Variants in DNM3 observed in about 807,000 individuals in gnomAD.
DNM3 encodes dynamin 3.
In DNM3, 47 loss-of-function variants were observed where a neutral mutation model predicts 101.6. That is an observed-to-expected ratio of 0.46 (90% confidence interval 0.37 to 0.59). The LOEUF is 0.59. Among genes scored for constraint, DNM3 ranks in the 20% least tolerant of loss-of-function variants. DNM3 has a pLI of 0.00. For missense variants in DNM3, 849 were observed against 1,085.7 expected, an observed-to-expected ratio of 0.78 and a Z score of 3.06; for synonymous variants, 385 against 387.9, an observed-to-expected ratio of 0.99 and a Z score of 0.09.
At chr1:172,022,800 A>G (rs1055687848) in intron 4 of DNM3, among the ~76,000 whole-genome samples, 6 of 151,928 alleles carry the variant, frequency 3.9e-5, no homozygotes, top group Admixed American at 1.3e-4. Flanking sequence ...CACTGTAGAG[A>G]AGGAGGATTT....
Position 172,095,352 on chromosome 1 carries a change from G to C in DNM3, c.1545+2477G>C, listed in dbSNP as rs922467853. Among the ~76,000 whole-genome samples, 33 of 152,160 alleles carry C rather than the reference G, an allele frequency of 2.2e-4. 1 individual carries two copies. Among genetic ancestry groups the C allele is most frequent in the East Asian group, 1.5e-3 (8 of 5,186 alleles). ...CAGATCAGGTTTTGCTGCCAAATTT[G>C]CTAAGAAAAAAGCTTTCAATTTGCA... On this transcript the variant is annotated intron_variant, in intron 13 of 20. Transcript: ENST00000627582.
At chr1:172,181,684 A>C (rs1002152133) in intron 14 of DNM3, among the ~76,000 whole-genome samples, 1 of 152,006 alleles carries the variant, frequency 6.6e-6, no homozygotes, top group Non-Finnish European at 1.5e-5. Flanking sequence ...ATGCCAAAGC[A>C]TGGAGCAAAA....
intron 11 of DNM3, among the ~76,000 whole-genome samples, chr1:172,076,574 C>A (rs2052665372): frequency 2.6e-5 from 4 of 152,122 alleles, no homozygotes; most frequent in Admixed American, 2.6e-4. Context: ...TTGAGATAAT[C>A]ATGTGGTTTA....
In DNM3 at chr1:172,319,082, C is replaced by T. The variant is rs1470482879; in HGVS notation, c.1882-4247C>T. Among the ~76,000 whole-genome samples the T allele has an allele frequency of 1.3e-4, 20 of 152,036 alleles. No individual in the cohort carries two copies. The East Asian group carries it at 1.9e-3, about 15-fold the overall frequency. On this transcript the variant is annotated intron_variant, in intron 16 of 20. Transcript: ENST00000627582. ...AGAACAGAGCCCTCAGAAATAACGC[C>T]GCATATCTACAACTATCTGATCTTT... is the stretch of plus-strand genomic sequence containing the variant.
chr1:172,179,726 T>A (rs2059277942), intron 14 of DNM3, among the ~76,000 whole-genome samples: 1 of 151,934 alleles, frequency 6.6e-6, no homozygotes, highest in East Asian at 1.9e-4. Flanking sequence ...ATTCAATAAT[T>A]TTTAGATATA....
At chr1:172,271,134 C>G (rs574568182) in intron 15 of DNM3, among the ~76,000 whole-genome samples, 7 of 152,208 alleles carry the variant, frequency 4.6e-5, no homozygotes, top group South Asian at 2.1e-4. Context: ...TTTATGTGGA[C>G]TGTGTGTGGA....
At chr1:172,316,073 G>C (rs2065335800) in intron 16 of DNM3, among the ~76,000 whole-genome samples, 1 of 152,102 alleles carries the variant, frequency 6.6e-6, no homozygotes, top group Admixed American at 6.5e-5. Context: ...AAGAGAGTGG[G>C]AGCCAATATT....
intron 4 of DNM3, among the ~76,000 whole-genome samples, chr1:172,010,494 T>C (rs189529889): frequency 6.6e-6 from 1 of 151,668 alleles, no homozygotes; most frequent in Admixed American, 6.6e-5. Context: ...TTTTTTTTGT[T>C]AGCACTTTAA....
At chr1:172,356,878 G>A (rs975887881) in intron 17 of DNM3, among the ~76,000 whole-genome samples, 1 of 151,970 alleles carries the variant, frequency 6.6e-6, no homozygotes, top group African/African-American at 2.4e-5. Context: ...AGATGAGCCT[G>A]GAATGTCTCA....
At chr1:172,041,418 T>A (rs12071642) in intron 7 of DNM3, among the ~76,000 whole-genome samples, 2 of 152,088 alleles carry the variant, frequency 1.3e-5, no homozygotes, top group Admixed American at 1.3e-4. Flanking sequence ...GAGGTTGTTT[T>A]AAGTGTGTTG....
At chr1:172,396,578 C>T (rs190330400) in intron 20 of DNM3, among the ~76,000 whole-genome samples, 1 of 152,284 alleles carries the variant, frequency 6.6e-6, no homozygotes, top group East Asian at 1.9e-4. Context: ...AGGAGAATCC[C>T]TCAGCTTCTA....
chr1:171,970,779 C>T (rs74368954), intron 2 of DNM3, among the ~76,000 whole-genome samples: 1,817 of 147,226 alleles, frequency 0.012, 25 homozygotes, highest in African/African-American at 0.042. Flanking sequence ...TTACTGGTCA[C>T]TGTTTTTCAA....
At position 172,145,320 on chromosome 1, in the gene DNM3, GTCTGTCTC is replaced by G. The variant is rs1359041871; in HGVS notation, c.1659+14036_1659+14043del. Among the ~76,000 whole-genome samples the G allele has an allele frequency of 8.2e-3, 1,219 of 149,018 alleles. 23 individuals are homozygous for G. The highest frequency in any genetic ancestry group is 0.029 in the African/African-American group (1,134 of 39,448). On this transcript the variant is annotated intron_variant, in intron 14 of 20. Coordinates refer to ENST00000627582, the MANE Select transcript of DNM3 (RefSeq NM_015569.5). Reference sequence around the variant, plus strand: ...TAAGTTTCTGTCTGTCTGTCTGTCTGTCTGTCTCTCTCTCTCTCTCTCTCTCCCCCTCT... The same window carrying G: ...TAAGTTTCTGTCTGTCTGTCTGTCTGTCTCTCTCTCTCTCTCTCCCCCTCT...
At chr1:171,971,682 ACAAT>A (rs2044003450) in intron 2 of DNM3, among the ~76,000 whole-genome samples, 2 of 152,172 alleles carry the variant, frequency 1.3e-5, no homozygotes, top group Non-Finnish European at 2.9e-5. Context: ...CCTAAGAAGC[ACAAT>A]GTGTAATTGA....
chr1:171,924,130 G>T (rs769226029), intron 2 of DNM3, among the ~76,000 whole-genome samples: 18 of 152,122 alleles, frequency 1.2e-4, no homozygotes, highest in South Asian at 2.1e-4. Context: ...GAATAGTGCT[G>T]CAGTAAACAT....
intron 15 of DNM3, among the ~76,000 whole-genome samples, chr1:172,273,180 G>A (rs1008093248): frequency 6.6e-6 from 1 of 151,910 alleles, no homozygotes; most frequent in African/African-American, 2.4e-5. Context: ...GTTTTGTCCT[G>A]TTTCTTTGCA....
intron 14 of DNM3, among the ~76,000 whole-genome samples, chr1:172,215,920 T>C (rs2148540932): frequency 6.7e-6 from 1 of 150,130 alleles, no homozygotes; most frequent in East Asian, 2.0e-4. Flanking sequence ...CTTGAAAATA[T>C]CTGATAATTC....
intron 4 of DNM3, among the ~76,000 whole-genome samples, chr1:172,009,122 A>ATATATAATATATATATT (rs2046937774): frequency 7.2e-6 from 1 of 138,064 alleles, no homozygotes; most frequent in Non-Finnish European, 1.5e-5. Flanking sequence ...TATATCATAT[A>ATATATAATATATATATT]ATATATATAT....
chr1:172,382,787 T>C (rs1289571344), intron 18 of DNM3, among the ~76,000 whole-genome samples: 1 of 152,146 alleles, frequency 6.6e-6, no homozygotes, highest in African/African-American at 2.4e-5. Context: ...CAAACCCAGA[T>C]AATACAAAAG....
Sources: allele counts gnomAD v4.1 joint callset (sites outside exome capture counted in the v4.1 genomes callset), GRCh38; gene constraint gnomAD v4.1.1; transcripts MANE v1.5; gene names NCBI Gene and HGNC (gene_info 2026-07-23, HGNC 2026-07-21).